Variants in EBF2 observed in about 807,000 individuals in gnomAD.
EBF2 encodes the protein transcription factor COE2.
EBF2 carries 21 observed loss-of-function variants against 72.8 expected under a neutral mutation model. The ratio of observed to expected loss-of-function variants is 0.29; its 90% CI spans 0.20 to 0.42. The LOEUF (loss-of-function observed/expected upper bound fraction) is 0.42, where lower values mean the gene tolerates loss of function less well. EBF2 is among the 10% of genes least tolerant of loss of function. The pLI, the probability that EBF2 is intolerant of heterozygous loss-of-function variation, is 1.00. For synonymous variants in EBF2, 299 were observed against 274.2 expected (o/e 1.09, Z -0.89); for missense variants, 637 against 731.2 (o/e 0.87, Z 1.49).
At chr8:25,963,596 C>G (rs1394372892) in intron 6 of EBF2, among the ~76,000 whole-genome samples, 1 of 152,170 alleles carries the variant, frequency 6.6e-6, no homozygotes, top group Non-Finnish European at 1.5e-5. Flanking sequence ...CTACTGCCAT[C>G]AAGCCCTTCC....
At chr8:25,889,107 G>C (rs1440676669) in intron 8 of EBF2, among the ~76,000 whole-genome samples, 1 of 152,168 alleles carries the variant, frequency 6.6e-6, no homozygotes, top group Admixed American at 6.5e-5. Context: ...TAAAATAGTA[G>C]CCTAGTTTGA....
chr8:26,038,909 A>G (rs1319215772), intron 5 of EBF2, among the ~76,000 whole-genome samples: 1 of 152,226 alleles, frequency 6.6e-6, no homozygotes. Context: ...AACAGTACAC[A>G]CTAAATCAGA....
intron 10 of EBF2, among the ~76,000 whole-genome samples, chr8:25,877,459 C>A (rs546239432): frequency 6.6e-6 from 1 of 152,286 alleles, no homozygotes; most frequent in African/African-American, 2.4e-5. Flanking sequence ...CGTTAGCAAA[C>A]CACGGTTGGT....
In EBF2 at chr8:25,886,884, G is replaced by A. The variant is rs771539401; in HGVS notation, c.883-3C>T. The A allele has an allele frequency of 6.2e-7, 1 of 1,611,356 alleles. No individual in the cohort carries two copies. Among genetic ancestry groups the A allele is most frequent in the Admixed American group, 1.7e-5 (1 of 59,722 alleles). On this transcript the variant is annotated splice_region_variant and splice_polypyrimidine_tract_variant and intron_variant, in intron 9 of 15. Transcript: ENST00000520164. Reference sequence around the variant, plus strand: ...CTGATGGCATGAGGGGTTATTAGCTGAGGAATGAACAGGCAGGGAAATAAA... The same window carrying A: ...CTGATGGCATGAGGGGTTATTAGCTAAGGAATGAACAGGCAGGGAAATAAA...
chr8:25,903,799 C>G (rs968486115), intron 7 of EBF2, among the ~76,000 whole-genome samples: 2 of 152,092 alleles, frequency 1.3e-5, no homozygotes, highest in African/African-American at 2.4e-5. Context: ...GAGGAGGCAG[C>G]GACACTTTGA....
In EBF2 at chr8:26,044,781, T is replaced by C. The variant is rs1156488059; in HGVS notation, c.79A>G (p.Arg27Gly). ...KSLGAEMDSV[R>G]SWVRNVGVVD... ...ACTCCGACATTCCGGACCCAGGACC[T>C]GACCGAATCCATCTCCGCGCCCAGC... The change falls in exon 1 of 16, where the codon AGG becomes GGG. Residue 27 changes from arginine to glycine, a missense_variant. By Grantham distance (125) the Arg-to-Gly change is moderately radical (BLOSUM62 -2). Around this residue, in one of 3 missense-constraint regions of EBF2, gnomAD observed 174 missense variants for 161.9 expected, o/e 1.07. Coordinates refer to ENST00000520164, the MANE Select transcript of EBF2 (RefSeq NM_022659.4). This position sits in a 1 kb window ranked among gnomAD's most constrained non-coding sequence, Gnocchi z 4.1. 1 of 1,614,194 alleles carries C rather than the reference T, an allele frequency of 6.2e-7. No individual in the cohort carries two copies.
rs536098162 is a variant in EBF2, at chr8:25,856,718, C to T, written c.1528+1601G>A. Among the ~76,000 whole-genome samples, 10 of 152,320 alleles carry T rather than the reference C, an allele frequency of 6.6e-5. No homozygotes were observed. The East Asian group carries it at 1.9e-3, about 29-fold the overall frequency. On this transcript the variant is annotated intron_variant, in intron 14 of 15. Coordinates refer to ENST00000520164, the MANE Select transcript of EBF2 (RefSeq NM_022659.4). ...TCTTTACCACACCAGACACCACCTC[C>T]AGGAGGAAGCATGGGAAAGACCTCT...
At chr8:26,034,685 A>G (rs529985970) in intron 5 of EBF2, among the ~76,000 whole-genome samples, 108 of 152,366 alleles carry the variant, frequency 7.1e-4, no homozygotes, top group African/African-American at 2.5e-3. Flanking sequence ...TACATGGTCC[A>G]CTATCAACTA....
At chr8:26,002,340 T>A (rs551211820) in intron 6 of EBF2, among the ~76,000 whole-genome samples, 1 of 152,328 alleles carries the variant, frequency 6.6e-6, no homozygotes, top group East Asian at 1.9e-4. Context: ...GAAAAAATTA[T>A]TGATGAACTA....
chr8:26,001,817 A>G lies in EBF2; in HGVS notation c.551+31268T>C, dbSNP rs543123445. On this transcript the variant is annotated intron_variant, in intron 6 of 15. Transcript: ENST00000520164. ...GCCCGCCTCGGCCTCCCAAAGTGCT[A>G]GGATTACAGGTGTGAGCCACCACAC... 3.0e-4 allele frequency among the ~76,000 whole-genome samples: 46 copies of G among 152,084 alleles called. 1 individual carries two copies. Among genetic ancestry groups the G allele is most frequent in the South Asian group, 1.5e-3 (7 of 4,812 alleles).
intron 6 of EBF2, among the ~76,000 whole-genome samples, chr8:25,993,578 A>G (rs1046170317): frequency 1.3e-5 from 2 of 152,036 alleles, no homozygotes; most frequent in Admixed American, 1.3e-4. Context: ...TCCCAGTTGC[A>G]TTTCTGCTAC....
At chr8:26,005,159 C>T (rs1443358855) in intron 6 of EBF2, among the ~76,000 whole-genome samples, 3 of 134,182 alleles carry the variant, frequency 2.2e-5, no homozygotes, top group African/African-American at 8.5e-5. Flanking sequence ...ACCTATGGAA[C>T]ACTGCTAAGA....
rs1423120742 is a variant in EBF2 at position 25,991,737 on chromosome 8, T to A, written c.551+41348A>T. On this transcript the variant is annotated intron_variant, in intron 6 of 15. Transcript: ENST00000520164. ...GGCGGGCACCTGTAATCTCAGCTAC[T>A]TGGGAGGCTGAGGAAGGAGAATCGC... Among the ~76,000 whole-genome samples, 4 of 152,004 alleles carry A rather than the reference T, an allele frequency of 2.6e-5. No homozygotes were observed. The East Asian group carries it at 7.8e-4, about 30-fold the overall frequency.
intron 6 of EBF2, among the ~76,000 whole-genome samples, chr8:25,941,680 G>A (rs1290239494): frequency 1.3e-5 from 2 of 152,080 alleles, no homozygotes; most frequent in Non-Finnish European, 2.9e-5. Context: ...TGAAAGACAC[G>A]CAGACTGACC....
intron 6 of EBF2, chr8:26,031,323 T>A (rs905912495): frequency 1.0e-4 from 15 of 147,278 alleles, no homozygotes; most frequent in African/African-American, 3.8e-4. Context: ...ATCCAACTCA[T>A]CAGTTAGGAC....
Position 25,941,210 on chromosome 8 carries a change from C to CTT in EBF2, c.552-32657_552-32656dup, listed in dbSNP as rs5890269. ...CCCAAAGTGATTGCTGCTCCCCCAT[C>CTT]TTTTTTTTTTTTCGAGACAGGGTCT... On this transcript the variant is annotated intron_variant, in intron 6 of 15. Transcript: ENST00000520164. Among the ~76,000 whole-genome samples the CTT allele has an allele frequency of 4.6e-3, 652 of 142,228 alleles. 4 individuals are homozygous for CTT. The highest frequency in any genetic ancestry group is 0.013 in the South Asian group (57 of 4,424). 93.3% of individuals were successfully genotyped at this position (142,228 alleles called of 152,430 possible). A position where few individuals can be genotyped will look rare whatever the true frequency, so the allele number is the denominator to read the frequency against.
At chr8:26,002,871 C>T (rs936756300) in intron 6 of EBF2, among the ~76,000 whole-genome samples, 2 of 86,940 alleles carry the variant, frequency 2.3e-5, no homozygotes, top group Admixed American at 1.1e-4. Context: ...GGCGGGCAGG[C>T]GGGCAGGCGG....
intron 6 of EBF2, among the ~76,000 whole-genome samples, chr8:25,940,406 T>C (rs1481229520): frequency 6.6e-6 from 1 of 152,154 alleles, no homozygotes; most frequent in Non-Finnish European, 1.5e-5. Context: ...AGGCTGGAAC[T>C]CAGGGCAGAC....
At chr8:25,879,894 A>C (rs1802580217) in intron 10 of EBF2, among the ~76,000 whole-genome samples, 1 of 152,178 alleles carries the variant, frequency 6.6e-6, no homozygotes, top group Non-Finnish European at 1.5e-5. Flanking sequence ...TCAACTTGAT[A>C]GGGAAAAAAA....
Sources: allele counts gnomAD v4.1 joint callset (sites outside exome capture counted in the v4.1 genomes callset), GRCh38; gene constraint gnomAD v4.1.1; regional missense constraint gnomAD v4.1.1; non-coding constraint Gnocchi (gnomAD v3.1); transcripts MANE v1.5; gene names NCBI Gene and HGNC (gene_info 2026-07-23, HGNC 2026-07-21).